Variants in PPP2R5E observed in about 807,000 individuals in gnomAD.
PPP2R5E encodes protein phosphatase 2 regulatory subunit B'epsilon.
Under a neutral mutation model 65.3 loss-of-function variants are expected in PPP2R5E, and 4 were observed. The observed-to-expected ratio is 0.06, with a 90% CI of 0.03 to 0.14. The LOEUF is 0.14. PPP2R5E is among the 10% of genes least tolerant of loss of function. The probability of loss-of-function intolerance (pLI) is 1.00; values close to 1 mark genes in which losing one functional copy is unlikely to be tolerated. For synonymous variants in PPP2R5E, 183 were observed against 187.4 expected, an observed-to-expected ratio of 0.98 and a Z score of 0.19; for missense variants, 274 against 556.1, an observed-to-expected ratio of 0.49 and a Z score of 5.10.
intron 2 of PPP2R5E, among the ~76,000 whole-genome samples, chr14:63,504,155 T>C (rs376716980): frequency 6.6e-6 from 1 of 152,296 alleles, no homozygotes; most frequent in African/African-American, 2.4e-5. Context: ...GAGTAGCCAC[T>C]TGCCCAAGAC....
At chr14:63,468,327 T>C (rs768277692) in intron 2 of PPP2R5E, among the ~76,000 whole-genome samples, 1 of 152,224 alleles carries the variant, frequency 6.6e-6, no homozygotes, top group East Asian at 1.9e-4. Flanking sequence ...TTGGTATGTC[T>C]GGTTGTGTAA....
At chr14:63,464,428 G>A (rs143690918) in intron 2 of PPP2R5E, among the ~76,000 whole-genome samples, 208 of 152,254 alleles carry the variant, frequency 1.4e-3, no homozygotes, top group African/African-American at 4.6e-3. Flanking sequence ...CTGGGGAAGA[G>A]TGTCCCAAGG....
intron 2 of PPP2R5E, among the ~76,000 whole-genome samples, chr14:63,483,802 A>T (rs957632567): frequency 2.0e-5 from 3 of 151,948 alleles, no homozygotes; most frequent in African/African-American, 7.2e-5. Context: ...AAAGCTCCCG[A>T]GGCCAGGCAT....
At chr14:63,482,330 G>C (rs190646383) in intron 2 of PPP2R5E, among the ~76,000 whole-genome samples, 1 of 152,204 alleles carries the variant, frequency 6.6e-6, no homozygotes, top group East Asian at 1.9e-4. Flanking sequence ...ATGGTGGCGC[G>C]TGCTTGTAAT....
At position 63,395,222 on chromosome 14, in the gene PPP2R5E, T is replaced by C; in HGVS notation, c.740+4A>G. 6.2e-7 allele frequency: 1 copy of C among 1,607,508 alleles called. No individual in the cohort carries two copies. The highest frequency in any genetic ancestry group is 8.5e-7 in the Non-Finnish European group (1 of 1,174,656). On this transcript the variant is annotated splice_donor_region_variant and intron_variant, in intron 7 of 13. Coordinates refer to ENST00000337537, the MANE Select transcript of PPP2R5E (RefSeq NM_006246.5). ...AGATTAGCAATTAGAAAAACCGTGC[T>C]CACCTTCCTAATATTTCCAGCAGTT...
At chr14:63,541,220 T>C (rs1893891311) in intron 1 of PPP2R5E, among the ~76,000 whole-genome samples, 1 of 152,208 alleles carries the variant, frequency 6.6e-6, no homozygotes, top group Admixed American at 6.5e-5. Context: ...TTAAAATATT[T>C]CAAATAAGTC....
intron 5 of PPP2R5E, among the ~76,000 whole-genome samples, chr14:63,407,944 A>C (rs1000046162): frequency 7.9e-5 from 12 of 152,228 alleles, no homozygotes; most frequent in Non-Finnish European, 1.8e-4. Context: ...CAGAACTGTA[A>C]GAAATAAACT....
At chr14:63,430,373 GCAT>G (rs1887585175) in intron 3 of PPP2R5E, among the ~76,000 whole-genome samples, 6 of 126,534 alleles carry the variant, frequency 4.7e-5, no homozygotes, top group African/African-American at 1.3e-4. Context: ...ATACATACAT[GCAT>G]GCATACATAC....
intron 2 of PPP2R5E, among the ~76,000 whole-genome samples, chr14:63,529,275 T>C (rs373523713): frequency 1.1e-4 from 17 of 151,844 alleles, no homozygotes; most frequent in African/African-American, 3.1e-4. Flanking sequence ...TATTTTTTTT[T>C]CTTTTCTTTT....
chr14:63,418,100 G>A (rs906094264), intron 4 of PPP2R5E, among the ~76,000 whole-genome samples: 3 of 152,072 alleles, frequency 2.0e-5, no homozygotes, highest in Non-Finnish European at 2.9e-5. Context: ...TGATCCGGAC[G>A]TTGCCAAATT....
intron 2 of PPP2R5E, among the ~76,000 whole-genome samples, chr14:63,528,559 AACCCACTC>A (rs1280649989): frequency 6.6e-6 from 1 of 152,196 alleles, no homozygotes; most frequent in East Asian, 1.9e-4. Context: ...CCAAAGCACA[AACCCACTC>A]AGGATTTTAA....
In PPP2R5E at chr14:63,490,726, C is replaced by CA. The variant is rs564842069; in HGVS notation, c.158-36842dup. Among the ~76,000 whole-genome samples, 379 of 151,980 alleles carry CA rather than the reference C, an allele frequency of 2.5e-3. 4 individuals are homozygous for CA. Among genetic ancestry groups the CA allele is most frequent in the African/African-American group, 9.0e-3 (373 of 41,478 alleles). The stretch of plus-strand genomic sequence containing the variant: ...GTCGGAATGAGTACTATTAAAAAGT[C>CA]AAAAAATAACATGTTGGCAAGGTTG... On this transcript the variant is annotated intron_variant, in intron 2 of 13. Coordinates refer to ENST00000337537, the MANE Select transcript of PPP2R5E (RefSeq NM_006246.5).
chr14:63,498,717 C>T (rs138263963), intron 2 of PPP2R5E, among the ~76,000 whole-genome samples: 370 of 152,190 alleles, frequency 2.4e-3, no homozygotes, highest in African/African-American at 8.1e-3. Context: ...AACCACTGAT[C>T]CAGCCTTAAA....
chr14:63,482,201 AT>A (rs1270156304), intron 2 of PPP2R5E, among the ~76,000 whole-genome samples: 1 of 152,240 alleles, frequency 6.6e-6, no homozygotes, highest in African/African-American at 2.4e-5. Context: ...ACAGTGACTC[AT>A]GTCTGTAATC....
chr14:63,398,664 C>T (rs1334059356), intron 5 of PPP2R5E, among the ~76,000 whole-genome samples: 1 of 152,148 alleles, frequency 6.6e-6, no homozygotes, highest in Non-Finnish European at 1.5e-5. Context: ...CTGGCACATG[C>T]CTGTAATCCC....
At chr14:63,461,242 G>A (rs1175934804) in intron 2 of PPP2R5E, among the ~76,000 whole-genome samples, 1 of 152,024 alleles carries the variant, frequency 6.6e-6, no homozygotes, top group African/African-American at 2.4e-5. Context: ...GAGCTTGACA[G>A]GCTATACTAA....
At chr14:63,449,783 C>T (rs1888705436) in intron 3 of PPP2R5E, among the ~76,000 whole-genome samples, 1 of 145,728 alleles carries the variant, frequency 6.9e-6, no homozygotes, top group African/African-American at 2.5e-5. Flanking sequence ...AAGTAACTTG[C>T]TCACATTGAT....
intron 3 of PPP2R5E, among the ~76,000 whole-genome samples, chr14:63,422,733 A>G (rs1202496828): frequency 9.1e-6 from 1 of 109,760 alleles, no homozygotes; most frequent in Non-Finnish European, 1.9e-5. Context: ...TCTATTTAAA[A>G]AAAAAAAAAA....
At chr14:63,483,307 AT>A (rs1217063969) in intron 2 of PPP2R5E, among the ~76,000 whole-genome samples, 22 of 152,206 alleles carry the variant, frequency 1.4e-4, no homozygotes, top group African/African-American at 4.8e-4. Context: ...TATTTGCCTA[AT>A]TATGACATCA....
Sources: allele counts gnomAD v4.1 joint callset (sites outside exome capture counted in the v4.1 genomes callset), GRCh38; gene constraint gnomAD v4.1.1; transcripts MANE v1.5; gene names NCBI Gene and HGNC (gene_info 2026-07-23, HGNC 2026-07-21).